Variants in HUWE1 observed in about 807,000 individuals in gnomAD.
HUWE1 encodes HECT, UBA and WWE domain containing E3 ubiquitin protein ligase 1.
HUWE1 carries 18 observed loss-of-function variants against 299.4 expected under a neutral mutation model. The observed-to-expected ratio is 0.06, with a 90% CI of 0.04 to 0.09. HUWE1 has a LOEUF of 0.09. Among genes scored for constraint, HUWE1 ranks in the 10% least tolerant of loss-of-function variants. The pLI is 1.00. For synonymous variants in HUWE1, 1,317 were observed against 1,286.1 expected, an observed-to-expected ratio of 1.02 and a Z score of -0.51; for missense variants, 1,832 against 3,462.3, an observed-to-expected ratio of 0.53 and a Z score of 11.82.
chrX:53,645,735 AAAT>A (rs2067961740), intron 6 of HUWE1, among the ~76,000 whole-genome samples: 2 of 26,150 alleles, frequency 7.6e-5, no homozygotes, highest in African/African-American at 1.6e-4. Flanking sequence ...AAAAAAAAAA[AAAT>A]ATATATATAT....
At chrX:53,645,734 AAAATATATATATAT>A (rs1177278005) in intron 6 of HUWE1, among the ~76,000 whole-genome samples, 1,899 of 18,170 alleles carry the variant, frequency 0.1, 103 homozygotes, top group Non-Finnish European at 0.15. Flanking sequence ...AAAAAAAAAA[AAAATATATATATAT>A]ATATATATAT....
intron 5 of HUWE1, 35 bp downstream of exon 5, chrX:53,648,177 T>C (rs1557037369): frequency 1.1e-6 from 1 of 890,931 alleles, no homozygotes; most frequent in African/African-American, 1.9e-5. Flanking sequence ...ATTAGTATGG[T>C]GAGTCCTGTC....
At chrX:53,657,976 G>T (rs932755927) in intron 3 of HUWE1, among the ~76,000 whole-genome samples, 1 of 94,595 alleles carries the variant, frequency 1.1e-5, no homozygotes, top group South Asian at 5.4e-4. Context: ...ATGAGCCTGG[G>T]AGGCTGAGCT....
chrX:53,559,917 A>G (rs781870843), intron 56 of HUWE1, among the ~76,000 whole-genome samples: 70 of 112,395 alleles, frequency 6.2e-4, no homozygotes, highest in South Asian at 1.8e-3. Context: ...TGTCCCGTCT[A>G]TATCTAAAGT....
chrX:53,539,229 C>A lies in HUWE1; in HGVS notation c.11633-149G>T, dbSNP rs180871863. On this transcript the variant is annotated intron_variant, in intron 75 of 83. Coordinates refer to ENST00000262854, the MANE Select transcript of HUWE1 (RefSeq NM_031407.7). ...GGTGTGGTGGCTCACACCTATGATC[C>A]CAGCACTTTGGGAGGCCGAGGTGGG... The A allele has an allele frequency of 2.5e-4, 162 of 648,411 alleles. 1 individual carries two copies. The African/African-American group carries it at 3.2e-3, about 13-fold the overall frequency. 53.4% of individuals were successfully genotyped at this position (648,411 alleles called of 1,213,427 possible). A position where few individuals can be genotyped will look rare whatever the true frequency, so the allele number is the denominator to read the frequency against.
At chrX:53,566,129 GTGTGTA>G (rs1284260792) in intron 49 of HUWE1, among the ~76,000 whole-genome samples, 4 of 38,724 alleles carry the variant, frequency 1.0e-4, no homozygotes, top group African/African-American at 3.9e-4. Context: ...GTGTGTGTGT[GTGTGTA>G]TATATATATA....
At chrX:53,595,102 C>G (rs1556983657) in intron 30 of HUWE1, 85 bp downstream of exon 30, 1 of 822,042 alleles carries the variant, frequency 1.2e-6, no homozygotes, top group African/African-American at 2.0e-5. Flanking sequence ...TTCAGTGGCT[C>G]ACACTCCATT....
intron 71 of HUWE1, 82 bp downstream of exon 71, chrX:53,544,945 TAA>T: frequency 1.8e-6 from 2 of 1,085,941 alleles, no homozygotes; most frequent in South Asian, 3.8e-5. Flanking sequence ...CCCAGAGAAA[TAA>T]AAAAGACCAG....
At chrX:53,607,326 G>T (rs1161272215) in intron 25 of HUWE1, among the ~76,000 whole-genome samples, 197 bp downstream of exon 25, 2 of 111,743 alleles carry the variant, frequency 1.8e-5, no homozygotes, top group African/African-American at 6.5e-5. Context: ...GATGAACAAA[G>T]AAAAAATACT....
Position 53,608,909 on chromosome X carries a change from C to G in HUWE1, c.2262G>C (p.Gln754His), listed in dbSNP as rs2065290009. ...GAATACGTTCCTCTGTACCAACAAC[C>G]CTGTTAGGGGAGAAAAGAGTGAGTT... is the stretch of plus-strand genomic sequence containing the variant. ...TQQNETEPNQ[Q>H]VVGTEERIPI... Residue 754 changes from glutamine to histidine, a missense_variant and splice_region_variant, in exon 24 of 84, where the codon CAG (glutamine) becomes CAC (histidine). Coordinates refer to ENST00000262854, the MANE Select transcript of HUWE1 (RefSeq NM_031407.7). The G allele has an allele frequency of 5.4e-6, 6 of 1,119,507 alleles. No individual in the cohort carries two copies. The South Asian group carries it at 1.1e-4, about 20-fold the overall frequency. The allele number at this position is 1,119,507 out of a possible 1,213,427, so 92.3% of individuals were successfully genotyped here. A position where few individuals can be genotyped will look rare whatever the true frequency, so the allele number is the denominator to read the frequency against.
chrX:53,685,353 C>T (rs1276493127), intron 2 of HUWE1, among the ~76,000 whole-genome samples: 1 of 111,994 alleles, frequency 8.9e-6, no homozygotes, highest in African/African-American at 3.2e-5. Flanking sequence ...ATTGAGCCTT[C>T]TTATTCAGAA....
At chrX:53,572,873 CA>C (rs2062901527) in intron 47 of HUWE1, among the ~76,000 whole-genome samples, 1 of 111,210 alleles carries the variant, frequency 9.0e-6, no homozygotes, top group Non-Finnish European at 1.9e-5. Context: ...AGATACTTCT[CA>C]AAACTCCTCA....
At chrX:53,660,483 C>T (rs1266133466) in intron 3 of HUWE1, among the ~76,000 whole-genome samples, 2 of 112,305 alleles carry the variant, frequency 1.8e-5, no homozygotes, top group East Asian at 5.5e-4. Flanking sequence ...GTCCATGAGA[C>T]ATCAACTTTA....
intron 7 of HUWE1, 143 bp from the exon 8 acceptor site, chrX:53,634,441 G>A (rs1203525156): frequency 2.0e-6 from 1 of 492,940 alleles, no homozygotes; most frequent in Non-Finnish European, 3.7e-6. Context: ...AAGAGTGTGT[G>A]GCTGCTTGGA....
chrX:53,568,932 T>G (rs1042547911), intron 48 of HUWE1, 58 bp from the exon 49 acceptor site: 1 of 1,029,640 alleles, frequency 9.7e-7, no homozygotes, highest in Admixed American at 2.6e-5. Flanking sequence ...TCAGGCCAAG[T>G]CTTCACAAAA....
intron 66 of HUWE1, 74 bp from the exon 67 acceptor site, chrX:53,549,579 G>C: frequency 1.1e-6 from 1 of 910,170 alleles, no homozygotes; most frequent in African/African-American, 1.9e-5. Flanking sequence ...GAATGGGGGA[G>C]GGGAATGAGC....
chrX:53,618,587 C>T lies in HUWE1; in HGVS notation c.1673-1141G>A, dbSNP rs782361722. On this transcript the variant is annotated intron_variant, in intron 19 of 83. Transcript: ENST00000262854. ...TTTCTTTTTTTTTTTTTTTTTTAGA[C>T]GGAGTCTCACTCTGTCGCCCAGGCT... Among the ~76,000 whole-genome samples the T allele has an allele frequency of 3.5e-3, 337 of 96,711 alleles. 3 individuals are homozygous for T. The highest frequency in any genetic ancestry group is 4.9e-3 in the Non-Finnish European group (242 of 49,323). The allele number at this position is 96,711 out of a possible 115,157, so 84.0% of individuals were successfully genotyped here. A position where few individuals can be genotyped will look rare whatever the true frequency, so the allele number is the denominator to read the frequency against.
In HUWE1 at chrX:53,586,514, T is replaced by G. The variant is rs2063867034; in HGVS notation, c.4800A>C (p.Ser1600=). The change falls in exon 39 of 84, where the codon TCA becomes TCC. Residue 1600 remains serine, a synonymous_variant. Transcript: ENST00000262854. ...IDFYEKTAIS[S]KRRAQMTKYL... is the part of the protein sequence containing the mutation. ...CCTTAGTCATCTGGGCTCTCCTTTT[T>G]GAGGAGATGGCTGTCTTTTCATAGA... 8.3e-7 allele frequency: 1 copy of G among 1,205,633 alleles called. No individual in the cohort carries two copies. The highest frequency in any genetic ancestry group is 1.7e-5 in the African/African-American group (1 of 57,723).
chrX:53,575,627 G>A lies in HUWE1; in HGVS notation c.6030+16C>T. 2.5e-6 allele frequency: 3 copies of A among 1,206,126 alleles called. No individual in the cohort carries two copies. The highest frequency in any genetic ancestry group is 3.4e-6 in the Non-Finnish European group (3 of 890,536). On this transcript the variant is annotated intron_variant, in intron 45 of 83. Transcript: ENST00000262854. ...AAAATGAGAAGAAAGATAAAACGCT[G>A]TTGGAATTGACTTACATTAATGGAA...
Sources: allele counts gnomAD v4.1 joint callset (sites outside exome capture counted in the v4.1 genomes callset), GRCh38; gene constraint gnomAD v4.1.1; transcripts MANE v1.5; gene names NCBI Gene and HGNC (gene_info 2026-07-23, HGNC 2026-07-21).